RBFOX1: variants seen among roughly 807,000 people sequenced by gnomAD.
RBFOX1 encodes the protein RNA binding fox-1 homolog 1.
RBFOX1 carries 8 observed loss-of-function variants against 57.7 expected under a neutral mutation model. The observed-to-expected ratio is 0.14, with a 90% CI of 0.08 to 0.25. RBFOX1 has a LOEUF of 0.25. Ranked by LOEUF, RBFOX1 falls within the 10% of genes least tolerant of loss-of-function variation. RBFOX1 has a pLI of 1.00. For synonymous variants in RBFOX1, 326 were observed against 222.4 expected (o/e 1.47, Z -4.15); for missense variants, 611 against 548.5 (o/e 1.11, Z -1.14).
At chr16:6,654,235 A>G (rs942054562) in intron 2 of RBFOX1, among the ~76,000 whole-genome samples, 1 of 152,282 alleles carries the variant, frequency 6.6e-6, no homozygotes, top group East Asian at 1.9e-4. Context: ...ATATCTGACT[A>G]TCCTAAATTT....
chr16:6,882,178 C>G (rs1428221420), intron 3 of RBFOX1, among the ~76,000 whole-genome samples: 1 of 152,106 alleles, frequency 6.6e-6, no homozygotes. Flanking sequence ...TCTAGCTTCT[C>G]TCTTCCTGGC....
At chr16:5,380,785 C>T (rs746016376) in intron 1 of RBFOX1, among the ~76,000 whole-genome samples, 4 of 152,198 alleles carry the variant, frequency 2.6e-5, no homozygotes, top group Non-Finnish European at 4.4e-5. Context: ...CCTTCAGCGC[C>T]TCTGTGATGA....
At chr16:5,685,934 C>T (rs1163188014) in intron 3 of RBFOX1, among the ~76,000 whole-genome samples, 1 of 152,108 alleles carries the variant, frequency 6.6e-6, no homozygotes, top group African/African-American at 2.4e-5. Context: ...TTGTAAATAA[C>T]CTAGATGCCA....
intron 2 of RBFOX1, among the ~76,000 whole-genome samples, chr16:5,506,296 C>T (rs2043375435): frequency 6.6e-6 from 1 of 152,212 alleles, no homozygotes; most frequent in African/African-American, 2.4e-5. Context: ...GGATGCTTGG[C>T]AGCCTGCAGG....
chr16:6,837,863 TGAG>T (rs1346472488), intron 3 of RBFOX1, among the ~76,000 whole-genome samples: 8 of 152,074 alleles, frequency 5.3e-5, no homozygotes, highest in African/African-American at 1.9e-4. Flanking sequence ...TGGCGGAAAC[TGAG>T]AAGAGGCACT....
At chr16:6,581,497 C>T (rs1302619038) in intron 2 of RBFOX1, among the ~76,000 whole-genome samples, 2 of 152,164 alleles carry the variant, frequency 1.3e-5, no homozygotes, top group East Asian at 1.9e-4. Flanking sequence ...CAGACCTCTA[C>T]CCTGGGCTCT....
chr16:6,512,283 C>CAAAAAAAAAAAAAAA lies in RBFOX1; in HGVS notation c.-63-142318_-63-142304dup, dbSNP rs565248640. ...TGGGTAACAGAGCAAGACCCTGTAT[C>CAAAAAAAAAAAAAAA]AAAAAAAAAAAAAAAAGGTAAGAGA... On this transcript the variant is annotated intron_variant, in intron 2 of 15. Coordinates refer to ENST00000550418, the MANE Select transcript of RBFOX1 (RefSeq NM_018723.4). Among the ~76,000 whole-genome samples the CAAAAAAAAAAAAAAA allele has an allele frequency of 5.6e-3, 482 of 86,788 alleles. 19 individuals are homozygous for CAAAAAAAAAAAAAAA. Among genetic ancestry groups the CAAAAAAAAAAAAAAA allele is most frequent in the African/African-American group, 0.022 (442 of 20,002 alleles). The allele number at this position is 86,788 out of a possible 152,430, so 56.9% of individuals were successfully genotyped here.
chr16:5,550,681 C>G (rs765905815), intron 2 of RBFOX1, among the ~76,000 whole-genome samples: 1 of 152,134 alleles, frequency 6.6e-6, no homozygotes, highest in Non-Finnish European at 1.5e-5. Flanking sequence ...ATAAAGCAGA[C>G]AAAGCTCCCT....
At chr16:7,533,789 T>G (rs960984762) in intron 5 of RBFOX1, among the ~76,000 whole-genome samples, 15 of 152,244 alleles carry the variant, frequency 9.9e-5, no homozygotes, top group African/African-American at 3.4e-4. Context: ...TCATCTGTAC[T>G]GACCTTGATT....
intron 4 of RBFOX1, among the ~76,000 whole-genome samples, chr16:7,167,488 G>C (rs1232102285): frequency 1.3e-5 from 2 of 152,082 alleles, no homozygotes; most frequent in African/African-American, 4.8e-5. Flanking sequence ...AAGGATGCCA[G>C]GACCACCAGA....
At chr16:6,295,832 T>G (rs1355150531) in intron 1 of RBFOX1, among the ~76,000 whole-genome samples, 1 of 152,206 alleles carries the variant, frequency 6.6e-6, no homozygotes, top group Non-Finnish European at 1.5e-5. Context: ...GGGAGCGATT[T>G]GTCAGCTTTG....
At chr16:5,451,376 C>T (rs1332849462) in intron 1 of RBFOX1, among the ~76,000 whole-genome samples, 3 of 152,108 alleles carry the variant, frequency 2.0e-5, no homozygotes, top group Admixed American at 6.6e-5. Context: ...AATGAAACAT[C>T]GATTCTCAGA....
chr16:6,835,115 A>G (rs2092994190), intron 3 of RBFOX1, among the ~76,000 whole-genome samples: 1 of 151,854 alleles, frequency 6.6e-6, no homozygotes, highest in Non-Finnish European at 1.5e-5. Context: ...GTTAGCCAGG[A>G]TGGTCTCAAT....
At chr16:7,312,852 C>T (rs374731689) in intron 4 of RBFOX1, among the ~76,000 whole-genome samples, 1 of 151,992 alleles carries the variant, frequency 6.6e-6, no homozygotes, top group African/African-American at 2.4e-5. Flanking sequence ...TTTAATATGG[C>T]GGGGCCCTGC....
intron 3 of RBFOX1, among the ~76,000 whole-genome samples, chr16:6,707,479 T>TTTG (rs143158226): frequency 1.0e-4 from 3 of 29,256 alleles, no homozygotes; most frequent in South Asian, 1.3e-3. Context: ...CCCATTTTTG[T>TTTG]TTTTTTTTTT....
chr16:6,304,237 G>A (rs944817588), intron 1 of RBFOX1, among the ~76,000 whole-genome samples: 2 of 151,876 alleles, frequency 1.3e-5, no homozygotes, highest in East Asian at 2.0e-4. Flanking sequence ...GCAGTGAGCC[G>A]AGATCATGCC....
chr16:6,550,338 A>T (rs2110616), intron 2 of RBFOX1, among the ~76,000 whole-genome samples: 3 of 152,082 alleles, frequency 2.0e-5, no homozygotes, highest in Non-Finnish European at 1.5e-5. Flanking sequence ...CACCAGGCCC[A>T]GCTAATTTTT....
chr16:7,155,697 C>CCA (rs1395182781), intron 4 of RBFOX1, among the ~76,000 whole-genome samples: 7 of 16,718 alleles, frequency 4.2e-4, no homozygotes, highest in African/African-American at 3.6e-3. Context: ...TCTCCTCCCA[C>CCA]CAAAAAAAAA....
chr16:7,198,517 A>T (rs911613127), intron 4 of RBFOX1, among the ~76,000 whole-genome samples: 1 of 152,188 alleles, frequency 6.6e-6, no homozygotes, highest in East Asian at 1.9e-4. Flanking sequence ...GTGTTTTTGT[A>T]ACAGAATATC....
Sources: allele counts gnomAD v4.1 joint callset (sites outside exome capture counted in the v4.1 genomes callset), GRCh38; gene constraint gnomAD v4.1.1; transcripts MANE v1.5; gene names NCBI Gene and HGNC (gene_info 2026-07-23, HGNC 2026-07-21).